VEGFC: variants seen among roughly 807,000 people sequenced by gnomAD.
VEGFC encodes the protein FLT4 ligand DHM.
A neutral mutation model predicts 46.1 loss-of-function variants in VEGFC; 12 were observed. That is an observed-to-expected ratio of 0.26 (90% CI 0.17 to 0.42). The LOEUF (loss-of-function observed/expected upper bound fraction) is 0.42. Among genes scored for constraint, VEGFC ranks in the 10% least tolerant of loss-of-function variants. The pLI, the probability that VEGFC is intolerant of heterozygous loss-of-function variation, is 1.00. For synonymous variants in VEGFC, 232 were observed against 195.5 expected (o/e 1.19, Z -1.56); for missense variants, 488 against 529.4 (o/e 0.92, Z 0.77).
chr4:176,777,077 G>A (rs1222071813), intron 1 of VEGFC, among the ~76,000 whole-genome samples: 2 of 152,146 alleles, frequency 1.3e-5, no homozygotes, highest in Admixed American at 1.3e-4. Context: ...ACTTTGGGAG[G>A]CCGAGGTGGG....
chr4:176,748,885 T>C (rs1225431266), intron 1 of VEGFC, among the ~76,000 whole-genome samples: 2 of 151,902 alleles, frequency 1.3e-5, no homozygotes, highest in African/African-American at 2.4e-5. Flanking sequence ...AGATTTATGA[T>C]GAATGAGTAT....
At chr4:176,788,860 G>C (rs1252136167) in intron 1 of VEGFC, among the ~76,000 whole-genome samples, 2 of 152,200 alleles carry the variant, frequency 1.3e-5, no homozygotes, top group South Asian at 2.1e-4. Context: ...CTTTTTCCTG[G>C]TTAAGTCATT....
chr4:176,735,042 T>G (rs1246715607), intron 1 of VEGFC, among the ~76,000 whole-genome samples: 3 of 151,752 alleles, frequency 2.0e-5, no homozygotes, highest in Admixed American at 2.0e-4. Context: ...CAGTTATTGC[T>G]TTGAAAAAAG....
In VEGFC at chr4:176,734,362, T is replaced by A. The variant is rs1735020721; in HGVS notation, c.148-4616A>T. 2.0e-5 allele frequency among the ~76,000 whole-genome samples: 3 copies of A among 151,962 alleles called. No individual in the cohort carries two copies. The East Asian group carries it at 5.8e-4, about 29-fold the overall frequency. On this transcript the variant is annotated intron_variant, in intron 1 of 6. Coordinates refer to ENST00000618562, the MANE Select transcript of VEGFC (RefSeq NM_005429.5). ...ATCTGTAATTTTGGCAAATAGTTTA[T>A]AATTTGAAGCATATTTAGCAGTTAC... is the stretch of plus-strand genomic sequence containing the variant.
intron 1 of VEGFC, among the ~76,000 whole-genome samples, chr4:176,765,550 ATTTTTT>A (rs779746169): frequency 3.0e-5 from 4 of 131,516 alleles, no homozygotes; most frequent in South Asian, 4.8e-4. Flanking sequence ...CAAAGACAGA[ATTTTTT>A]TTTTTTTTTT....
intron 4 of VEGFC, among the ~76,000 whole-genome samples, chr4:176,694,549 T>C (rs1335810645): frequency 3.3e-5 from 5 of 151,898 alleles, no homozygotes. Flanking sequence ...TAACACCCAC[T>C]GTCAACATTA....
chr4:176,688,874 G>T (rs1260528953), intron 4 of VEGFC, among the ~76,000 whole-genome samples: 1 of 152,250 alleles, frequency 6.6e-6, no homozygotes, highest in South Asian at 2.1e-4. Flanking sequence ...AATTCTCTTT[G>T]TTGGAAAACA....
rs1397869239 is a variant in VEGFC, at chr4:176,745,487, T to TA, written c.148-15742dup. On this transcript the variant is annotated intron_variant, in intron 1 of 6. Coordinates refer to ENST00000618562, the MANE Select transcript of VEGFC (RefSeq NM_005429.5). ...CTGCCTGACTAGAGAAATAGCCAGA[T>TA]AGAGTTCCAGGAACTGTCACTAGAA... Among the ~76,000 whole-genome samples, 14 of 152,116 alleles carry TA rather than the reference T, an allele frequency of 9.2e-5. No individual in the cohort carries two copies. The East Asian group carries it at 2.5e-3, about 27-fold the overall frequency.
At chr4:176,738,210 T>C (rs1416044081) in intron 1 of VEGFC, among the ~76,000 whole-genome samples, 3 of 151,996 alleles carry the variant, frequency 2.0e-5, no homozygotes, top group African/African-American at 2.4e-5. Context: ...TTTAAAAAAT[T>C]CATATGGAAT....
At chr4:176,781,203 G>C (rs980024665) in intron 1 of VEGFC, among the ~76,000 whole-genome samples, 3 of 152,150 alleles carry the variant, frequency 2.0e-5, no homozygotes, top group Admixed American at 1.3e-4. Context: ...AAAATTAAAA[G>C]AGAGATCTAG....
chr4:176,691,616 G>A (rs559628244), intron 4 of VEGFC, among the ~76,000 whole-genome samples: 2 of 152,174 alleles, frequency 1.3e-5, no homozygotes, highest in Non-Finnish European at 2.9e-5. Flanking sequence ...TTAAAATCAC[G>A]TGACAAAAAT....
chr4:176,712,258 C>T (rs550219815), intron 3 of VEGFC, among the ~76,000 whole-genome samples: 1 of 152,016 alleles, frequency 6.6e-6, no homozygotes, highest in South Asian at 2.1e-4. Context: ...TAGATAAAGC[C>T]ATGTTTCTGC....
intron 1 of VEGFC, among the ~76,000 whole-genome samples, chr4:176,777,918 CAAAAAAAAAAAAAAAAA>C (rs773634012): frequency 3.5e-5 from 2 of 57,144 alleles, no homozygotes; most frequent in Non-Finnish European, 6.1e-5. Context: ...GACTTTGTCT[CAAAAAAAAAAAAAAAAA>C]AAAAAAAAAA....
chr4:176,756,355 C>A (rs1388916631), intron 1 of VEGFC, among the ~76,000 whole-genome samples: 2 of 151,860 alleles, frequency 1.3e-5, no homozygotes, highest in Non-Finnish European at 2.9e-5. Context: ...AAGGAATAAA[C>A]AATAAATGAA....
intron 1 of VEGFC, among the ~76,000 whole-genome samples, chr4:176,743,893 G>C (rs965418594): frequency 2.0e-5 from 3 of 151,634 alleles, no homozygotes; most frequent in African/African-American, 4.8e-5. Flanking sequence ...CCCCAATCTT[G>C]TGTGGACTCC....
At chr4:176,747,156 A>G (rs2110888488) in intron 1 of VEGFC, among the ~76,000 whole-genome samples, 1 of 152,252 alleles carries the variant, frequency 6.6e-6, no homozygotes, top group South Asian at 2.1e-4. Flanking sequence ...CTAACAGTGT[A>G]GTTATATAAG....
chr4:176,718,119 T>C (rs1039121882), intron 3 of VEGFC, among the ~76,000 whole-genome samples: 1 of 152,146 alleles, frequency 6.6e-6, no homozygotes, highest in African/African-American at 2.4e-5. Flanking sequence ...TTTTCACAGA[T>C]GCATTAATTA....
chr4:176,727,977 T>A lies in VEGFC; in HGVS notation c.362-9A>T, dbSNP rs757770605. The A allele has an allele frequency of 6.3e-7, 1 of 1,576,536 alleles. No homozygotes were observed. The highest frequency in any genetic ancestry group is 1.2e-5 in the South Asian group (1 of 85,170). On this transcript the variant is annotated splice_polypyrimidine_tract_variant and intron_variant, in intron 2 of 6. Transcript: ENST00000618562. Reference sequence around the variant, plus strand: ...CCACTCATTATCAATACCTGTCAAGTCATAGGGAAATCAGTAAGTTTTACG... The same window carrying A: ...CCACTCATTATCAATACCTGTCAAGACATAGGGAAATCAGTAAGTTTTACG...
At chr4:176,714,524 A>T (rs1734666495) in intron 3 of VEGFC, among the ~76,000 whole-genome samples, 1 of 152,236 alleles carries the variant, frequency 6.6e-6, no homozygotes, top group Non-Finnish European at 1.5e-5. Flanking sequence ...AAGTAAGCAC[A>T]GCAGGATTTG....
Sources: gnomAD v4.1 joint callset for allele counts (sites outside exome capture counted in the v4.1 genomes callset) on GRCh38, gnomAD v4.1.1 for gene constraint, MANE v1.5 for transcripts, NCBI Gene and HGNC (gene_info 2026-07-23, HGNC 2026-07-21) for gene names.